Variants in SYT9 observed in about 807,000 individuals in gnomAD.
The protein encoded by SYT9 is synaptotagmin-9.
In SYT9, 22 loss-of-function variants were observed where a neutral mutation model predicts 48.4. The observed-to-expected ratio is 0.45, with a 90% CI of 0.32 to 0.65. SYT9 has a LOEUF of 0.65. SYT9 is among the 30% of genes least tolerant of loss of function. The pLI, the probability that SYT9 is intolerant of heterozygous loss-of-function variation, is 0.03. For synonymous variants in SYT9, 265 were observed against 245.0 expected (o/e 1.08, Z -0.76); for missense variants, 577 against 622.0 (o/e 0.93, Z 0.77).
chr11:7,406,338 C>T (rs1298310660), intron 3 of SYT9, among the ~76,000 whole-genome samples: 1 of 152,018 alleles, frequency 6.6e-6, no homozygotes, highest in African/African-American at 2.4e-5. Flanking sequence ...CACACCCTTC[C>T]TACCCTCTGG....
chr11:7,256,731 G>C (rs1847978200), intron 1 of SYT9, among the ~76,000 whole-genome samples: 1 of 152,070 alleles, frequency 6.6e-6, no homozygotes. Flanking sequence ...TATGAATTCT[G>C]TTATCCAGGA....
intron 1 of SYT9, among the ~76,000 whole-genome samples, chr11:7,270,153 A>G (rs1848267722): frequency 6.6e-6 from 1 of 152,194 alleles, no homozygotes; most frequent in African/African-American, 2.4e-5. Context: ...CCTTAAATGT[A>G]CAATAATACC....
At chr11:7,448,740 T>C (rs1256735097) in intron 6 of SYT9, among the ~76,000 whole-genome samples, 1 of 152,156 alleles carries the variant, frequency 6.6e-6, no homozygotes, top group Non-Finnish European at 1.5e-5. Context: ...TCATAGGCCT[T>C]CAAACGTCAT....
chr11:7,387,221 A>G (rs1564885749), intron 3 of SYT9, among the ~76,000 whole-genome samples: 3 of 152,236 alleles, frequency 2.0e-5, no homozygotes, highest in Non-Finnish European at 1.5e-5. Context: ...TGACGAGTTA[A>G]TGGGTGCAGC....
intron 3 of SYT9, among the ~76,000 whole-genome samples, chr11:7,354,915 T>C (rs1344820246): frequency 6.6e-6 from 1 of 152,146 alleles, no homozygotes; most frequent in Non-Finnish European, 1.5e-5. Flanking sequence ...ACAGATGCTA[T>C]GGTACCATTT....
chr11:7,331,824 A>G (rs936267273), intron 3 of SYT9, among the ~76,000 whole-genome samples: 3 of 152,186 alleles, frequency 2.0e-5, no homozygotes, highest in African/African-American at 7.2e-5. Flanking sequence ...CAAGCATCCT[A>G]TATGTCCCTC....
At chr11:7,368,898 G>GT (rs1173662241) in intron 3 of SYT9, among the ~76,000 whole-genome samples, 3 of 152,194 alleles carry the variant, frequency 2.0e-5, no homozygotes, top group South Asian at 4.1e-4. Context: ...GGGCATTTGG[G>GT]TGGTTCTAAG....
intron 1 of SYT9, among the ~76,000 whole-genome samples, chr11:7,267,581 GC>G (rs1447308020): frequency 6.6e-6 from 1 of 151,530 alleles, no homozygotes; most frequent in East Asian, 1.9e-4. Context: ...TATAACCAAA[GC>G]TATATCTAGA....
intron 1 of SYT9, among the ~76,000 whole-genome samples, chr11:7,258,781 A>G (rs1165430156): frequency 1.3e-5 from 2 of 152,100 alleles, no homozygotes; most frequent in Non-Finnish European, 2.9e-5. Context: ...TGGTAGTATC[A>G]CCTGCCCATG....
intron 3 of SYT9, among the ~76,000 whole-genome samples, chr11:7,333,671 G>C (rs1384978751): frequency 6.6e-6 from 1 of 152,150 alleles, no homozygotes; most frequent in Non-Finnish European, 1.5e-5. Flanking sequence ...AGTACATATG[G>C]CTATCAGATA....
intron 6 of SYT9, among the ~76,000 whole-genome samples, chr11:7,443,820 A>C (rs1847877588): frequency 6.6e-6 from 1 of 152,250 alleles, no homozygotes; most frequent in African/African-American, 2.4e-5. Context: ...GAGGTACTCC[A>C]TAATTCTGTG....
chr11:7,356,133 G>A lies in SYT9; in HGVS notation c.1044+42192G>A, dbSNP rs532557036. On this transcript the variant is annotated intron_variant, in intron 3 of 6. Transcript: ENST00000318881. ...TACAACTGATAATGTATTTGAGCCT[G>A]TCCAGGAGCTGAGATTGGTCACTGT... Among the ~76,000 whole-genome samples, 406 of 152,266 alleles carry A rather than the reference G, an allele frequency of 2.7e-3. 3 individuals carry two copies. The highest frequency in any genetic ancestry group is 9.2e-3 in the African/African-American group (383 of 41,550).
At chr11:7,424,751 C>T (rs1198351208) in intron 6 of SYT9, among the ~76,000 whole-genome samples, 1 of 152,224 alleles carries the variant, frequency 6.6e-6, no homozygotes, top group Non-Finnish European at 1.5e-5. Context: ...AAGTTCTACT[C>T]AAGGCGTGCC....
At chr11:7,273,689 C>T (rs2133890610) in intron 1 of SYT9, among the ~76,000 whole-genome samples, 1 of 152,244 alleles carries the variant, frequency 6.6e-6, no homozygotes. Context: ...TACATAAACT[C>T]AATCTCCAGT....
chr11:7,284,470 T>A (rs538186129), intron 1 of SYT9, among the ~76,000 whole-genome samples: 1 of 152,288 alleles, frequency 6.6e-6, no homozygotes, highest in South Asian at 2.1e-4. Flanking sequence ...GTCCTGATAT[T>A]AAATAGTGAT....
At chr11:7,274,992 C>T (rs1449345244) in intron 1 of SYT9, among the ~76,000 whole-genome samples, 1 of 151,762 alleles carries the variant, frequency 6.6e-6, no homozygotes, top group Non-Finnish European at 1.5e-5. Flanking sequence ...AGCCACAACC[C>T]ACTGGAGTGA....
chr11:7,333,035 C>T (rs1849568383), intron 3 of SYT9, among the ~76,000 whole-genome samples: 1 of 152,194 alleles, frequency 6.6e-6, no homozygotes, highest in Middle Eastern at 3.2e-3. Context: ...AGTTTTCAAC[C>T]TTTCGAGAAT....
intron 1 of SYT9, among the ~76,000 whole-genome samples, chr11:7,279,738 G>T (rs142614598): frequency 7.9e-5 from 12 of 152,320 alleles, no homozygotes; most frequent in African/African-American, 2.9e-4. Flanking sequence ...TGTGAGGAAA[G>T]CTACCCAGTT....
intron 3 of SYT9, among the ~76,000 whole-genome samples, chr11:7,338,015 A>G (rs903749058): frequency 6.6e-6 from 1 of 152,038 alleles, no homozygotes. Flanking sequence ...TTGGTAGGTT[A>G]TTTATTCTTG....
Sources: allele counts gnomAD v4.1 joint callset (sites outside exome capture counted in the v4.1 genomes callset), GRCh38; gene constraint gnomAD v4.1.1; transcripts MANE v1.5; gene names NCBI Gene and HGNC (gene_info 2026-07-23, HGNC 2026-07-21).